The following PAX7 variants were observed in gnomAD, a reference collection of about 807,000 sequenced individuals.
PAX7 encodes the protein paired box 7.
In PAX7, 18 loss-of-function variants were observed where a neutral mutation model predicts 50.7. That is an observed-to-expected ratio of 0.36 (90% CI 0.25 to 0.53). The LOEUF is 0.53. Among genes scored for constraint, PAX7 ranks in the 20% least tolerant of loss-of-function variants. The pLI is 0.93. For missense variants in PAX7, 644 were observed against 702.9 expected, an observed-to-expected ratio of 0.92 and a Z score of 0.95; for synonymous variants, 310 against 290.4, an observed-to-expected ratio of 1.07 and a Z score of -0.69.
intron 5 of PAX7, among the ~76,000 whole-genome samples, chr1:18,693,320 A>C (rs2089102926): frequency 6.6e-6 from 1 of 152,158 alleles, no homozygotes; most frequent in Non-Finnish European, 1.5e-5. Context: ...AACGTGACCT[A>C]GTGGAAGCTC....
In PAX7 at chr1:18,747,940, A is replaced by G. The variant is rs998847889; in HGVS notation, c.*3011A>G. ...TTCCAGGCTCTAGTGGGTTCTTTCA[A>G]TCTTGTTCCTTTATTTTTTTCATTT... On this transcript the variant is annotated 3_prime_UTR_variant, in exon 9 of 9. Coordinates refer to ENST00000420770, the MANE Select transcript of PAX7 (RefSeq NM_001135254.2). 1 of 198,080 alleles carries G rather than the reference A, an allele frequency of 5.0e-6. No individual in the cohort carries two copies. Among genetic ancestry groups the G allele is most frequent in the African/African-American group, 2.3e-5 (1 of 43,334 alleles). The allele number at this position is 198,080 out of a possible 1,614,324, so 12.3% of individuals were successfully genotyped here.
At chr1:18,736,824 T>C (rs1255867305) in intron 8 of PAX7, among the ~76,000 whole-genome samples, 1 of 152,266 alleles carries the variant, frequency 6.6e-6, no homozygotes, top group Non-Finnish European at 1.5e-5. Context: ...TTAGTTCAAG[T>C]GAAATCGGCA....
At chr1:18,701,314 G>A (rs762182401) in intron 6 of PAX7, among the ~76,000 whole-genome samples, 1 of 152,104 alleles carries the variant, frequency 6.6e-6, no homozygotes, top group African/African-American at 2.4e-5. Context: ...ACAAATGTGC[G>A]TGTGAGTGCG....
chr1:18,727,803 G>A (rs1000166935), intron 7 of PAX7, among the ~76,000 whole-genome samples: 4 of 152,168 alleles, frequency 2.6e-5, no homozygotes, highest in African/African-American at 7.2e-5. Flanking sequence ...TTGCCCACAC[G>A]GCAGGTGCAG....
chr1:18,674,687 G>C (rs1388489991), intron 4 of PAX7, among the ~76,000 whole-genome samples: 5 of 152,352 alleles, frequency 3.3e-5, no homozygotes, highest in East Asian at 3.9e-4. Context: ...TGGCACCGCT[G>C]TCTGTCCCCC....
chr1:18,717,692 A>G (rs528245750), intron 7 of PAX7, among the ~76,000 whole-genome samples: 85 of 152,188 alleles, frequency 5.6e-4, no homozygotes, highest in Non-Finnish European at 9.3e-4. Context: ...CCCAGCACAA[A>G]GCCTGGCACG....
chr1:18,641,551 C>G (rs1156350383), intron 4 of PAX7, among the ~76,000 whole-genome samples: 1 of 152,236 alleles, frequency 6.6e-6, no homozygotes, highest in Non-Finnish European at 1.5e-5. Context: ...TTGTGTTCCC[C>G]TCGGGGCACG....
intron 8 of PAX7, among the ~76,000 whole-genome samples, chr1:18,744,140 G>A (rs1401526126): frequency 1.3e-5 from 2 of 152,134 alleles, no homozygotes; most frequent in Non-Finnish European, 2.9e-5. Context: ...TGGCCTCGCA[G>A]CAAAGGTCTT....
intron 8 of PAX7, among the ~76,000 whole-genome samples, chr1:18,737,114 C>T (rs978306753): frequency 5.9e-5 from 9 of 152,392 alleles, no homozygotes; most frequent in East Asian, 1.9e-4. Context: ...CAGCCTCCAC[C>T]GCCTGGCAAG....
intron 4 of PAX7, among the ~76,000 whole-genome samples, chr1:18,648,290 T>A (rs945600804): frequency 2.6e-5 from 4 of 151,920 alleles, no homozygotes; most frequent in Non-Finnish European, 5.9e-5. Flanking sequence ...TGGAAGTTCT[T>A]TGAAGGCAAT....
intron 4 of PAX7, among the ~76,000 whole-genome samples, chr1:18,687,366 C>G (rs745408253): frequency 1.3e-5 from 2 of 152,146 alleles, no homozygotes; most frequent in Non-Finnish European, 2.9e-5. Context: ...CTCAGGCTGC[C>G]GAGACCAGGA....
chr1:18,680,027 C>A (rs1159743128), intron 4 of PAX7, among the ~76,000 whole-genome samples: 4 of 152,172 alleles, frequency 2.6e-5, no homozygotes, highest in Non-Finnish European at 5.9e-5. Context: ...TAATTCCTTT[C>A]ATCTTTGTGC....
At chr1:18,732,798 C>T (rs577536138) in intron 7 of PAX7, among the ~76,000 whole-genome samples, 1 of 152,210 alleles carries the variant, frequency 6.6e-6, no homozygotes, top group East Asian at 1.9e-4. Flanking sequence ...CTCAAAACAT[C>T]CTCGTCCTCT....
At position 18,724,344 on chromosome 1, in the gene PAX7, G is replaced by A. The variant is rs1039886941; in HGVS notation, c.1156-11288G>A. Among the ~76,000 whole-genome samples, 11 of 152,236 alleles carry A rather than the reference G, an allele frequency of 7.2e-5. No individual in the cohort carries two copies. In the South Asian group the frequency reaches 2.3e-3, roughly 32 times the overall value. ...GCAGAGGCAGCTGGTGAAGGCAGTG[G>A]AGGGTCATGGTCAGAGAGGTGAGAT... On this transcript the variant is annotated intron_variant, in intron 7 of 8. Coordinates refer to ENST00000420770, the MANE Select transcript of PAX7 (RefSeq NM_001135254.2).
chr1:18,692,296 C>G (rs2089083623), intron 5 of PAX7, among the ~76,000 whole-genome samples: 1 of 151,000 alleles, frequency 6.6e-6, no homozygotes, highest in Non-Finnish European at 1.5e-5. Context: ...AATCCCAGCA[C>G]TTCGGGAGGC....
chr1:18,725,735 A>G (rs1012480504), intron 7 of PAX7, among the ~76,000 whole-genome samples: 4 of 152,146 alleles, frequency 2.6e-5, no homozygotes, highest in Admixed American at 2.0e-4. Context: ...AGTCACTCTA[A>G]TCCCTCGTCC....
intron 7 of PAX7, among the ~76,000 whole-genome samples, chr1:18,711,730 C>T (rs1249500170): frequency 6.6e-6 from 1 of 152,130 alleles, no homozygotes; most frequent in African/African-American, 2.4e-5. Flanking sequence ...GAGTCATCCC[C>T]CCACCCTCCA....
At chr1:18,651,912 T>C (rs2088438521) in intron 4 of PAX7, among the ~76,000 whole-genome samples, 1 of 149,358 alleles carries the variant, frequency 6.7e-6, no homozygotes, top group East Asian at 2.0e-4. Flanking sequence ...CCTGCCTGCC[T>C]TGGAGAAAAG....
At chr1:18,637,176 C>T (rs373542610) in intron 4 of PAX7, among the ~76,000 whole-genome samples, 14 of 152,230 alleles carry the variant, frequency 9.2e-5, no homozygotes, top group African/African-American at 2.9e-4. Context: ...TTCAAGCGCC[C>T]GGAAGCCCGG....
Sources: allele counts gnomAD v4.1 joint callset (sites outside exome capture counted in the v4.1 genomes callset), GRCh38; gene constraint gnomAD v4.1.1; transcripts MANE v1.5; gene names NCBI Gene and HGNC (gene_info 2026-07-23, HGNC 2026-07-21).